SLCO2A1: variants seen among roughly 807,000 people sequenced by gnomAD.
The protein encoded by SLCO2A1 is matrin F/G 1.
SLCO2A1 carries 60 observed loss-of-function variants against 71.7 expected under a neutral mutation model. That is an observed-to-expected ratio of 0.84 (90% CI 0.68 to 1.04). The LOEUF is 1.04. Among genes scored for constraint, SLCO2A1 ranks in the 50% least tolerant of loss-of-function variants. The probability of loss-of-function intolerance (pLI) is 0.00; values close to 1 mark genes in which losing one functional copy is unlikely to be tolerated. For missense variants in SLCO2A1, 745 were observed against 813.4 expected, an observed-to-expected ratio of 0.92 and a Z score of 1.02; for synonymous variants, 308 against 326.7, an observed-to-expected ratio of 0.94 and a Z score of 0.62.
chr3:134,008,585 G>C (rs1021690105), intron 1 of SLCO2A1, among the ~76,000 whole-genome samples: 1 of 152,184 alleles, frequency 6.6e-6, no homozygotes, highest in African/African-American at 2.4e-5. Context: ...CAGACCCCTA[G>C]TTAGCACCTA....
chr3:133,973,442 T>C (rs1934375560), intron 3 of SLCO2A1, among the ~76,000 whole-genome samples: 1 of 152,226 alleles, frequency 6.6e-6, no homozygotes. Flanking sequence ...ATTCCTGGCA[T>C]GAAGCACAGG....
chr3:134,001,494 C>G (rs1935102822), intron 1 of SLCO2A1, among the ~76,000 whole-genome samples: 1 of 152,212 alleles, frequency 6.6e-6, no homozygotes, highest in East Asian at 1.9e-4. Flanking sequence ...GGGCTGGCTG[C>G]TCCTTCTGTG....
intron 1 of SLCO2A1, among the ~76,000 whole-genome samples, chr3:133,990,262 T>C (rs1192794342): frequency 6.6e-6 from 1 of 152,250 alleles, no homozygotes; most frequent in Non-Finnish European, 1.5e-5. Context: ...CATCCACTCA[T>C]AGTCTCCCTC....
At chr3:133,952,669 A>G (rs576095024) in intron 5 of SLCO2A1, among the ~76,000 whole-genome samples, 1 of 152,322 alleles carries the variant, frequency 6.6e-6, no homozygotes, top group East Asian at 1.9e-4. Flanking sequence ...GGGACTATAT[A>G]TTCTCATCCA....
chr3:134,026,115 T>C (rs527586772), intron 1 of SLCO2A1, among the ~76,000 whole-genome samples: 39 of 152,130 alleles, frequency 2.6e-4, no homozygotes, highest in African/African-American at 9.4e-4. Flanking sequence ...AATTTCTAGG[T>C]CCTAAAAGCC....
rs376107710 is a variant in SLCO2A1, at chr3:133,938,510, G to C, written c.1626-17C>G. The C allele has an allele frequency of 6.9e-5, 111 of 1,613,224 alleles. No homozygotes were observed. The African/African-American group carries it at 1.4e-3, about 21-fold the overall frequency. On this transcript the variant is annotated splice_polypyrimidine_tract_variant and intron_variant, in intron 11 of 13. Coordinates refer to ENST00000310926, the MANE Select transcript of SLCO2A1 (RefSeq NM_005630.3). ...TTCACCACACTGAAAAGACAGACAG[G>C]AAATCAGCAGTGGGAGGATTCAGGG...
intron 1 of SLCO2A1, among the ~76,000 whole-genome samples, chr3:133,980,673 C>T (rs962720483): frequency 6.6e-6 from 1 of 152,238 alleles, no homozygotes; most frequent in Non-Finnish European, 1.5e-5. Flanking sequence ...GGGGCTCCAC[C>T]TTCATTTCCA....
chr3:133,934,482 G>T lies in SLCO2A1; in HGVS notation c.*231C>A. 1 of 432,808 alleles carries T rather than the reference G, an allele frequency of 2.3e-6. No homozygotes were observed. Among genetic ancestry groups the T allele is most frequent in the Non-Finnish European group, 4.2e-6 (1 of 238,306 alleles). The allele number at this position is 432,808 out of a possible 1,614,324, so 26.8% of individuals were successfully genotyped here. ...TCTGGGGGCCTCTTCCAAGGGGCCA[G>T]GGAAGACTCAGCCCCCCAGTTCTGG... On this transcript the variant is annotated 3_prime_UTR_variant, in exon 14 of 14. Coordinates refer to ENST00000310926, the MANE Select transcript of SLCO2A1 (RefSeq NM_005630.3).
chr3:133,948,365 C>A (rs1474593285), intron 8 of SLCO2A1, among the ~76,000 whole-genome samples, 171 bp downstream of exon 8: 1 of 152,206 alleles, frequency 6.6e-6, no homozygotes, highest in Non-Finnish European at 1.5e-5. Context: ...CAAGAACTTT[C>A]TAGATTGCCA....
At chr3:133,945,055 T>C (rs757666728) in intron 10 of SLCO2A1, 40 bp downstream of exon 10, 3 of 1,581,600 alleles carry the variant, frequency 1.9e-6, no homozygotes, top group Admixed American at 1.8e-5. Flanking sequence ...TCCGAGATCC[T>C]GTGGGGCTCC....
chr3:133,953,539 G>T, intron 5 of SLCO2A1, 124 bp downstream of exon 5: 1 of 711,436 alleles, frequency 1.4e-6, no homozygotes, highest in South Asian at 1.7e-5. Context: ...ATGAGTGAGC[G>T]AGTGAGGAGG....
At chr3:133,990,816 A>G (rs1934823696) in intron 1 of SLCO2A1, among the ~76,000 whole-genome samples, 1 of 152,208 alleles carries the variant, frequency 6.6e-6, no homozygotes, top group African/African-American at 2.4e-5. Context: ...GTCATCAGAC[A>G]TGCAGGCATC....
intron 1 of SLCO2A1, among the ~76,000 whole-genome samples, chr3:133,984,188 A>C (rs1934656836): frequency 6.6e-6 from 1 of 152,164 alleles, no homozygotes; most frequent in African/African-American, 2.4e-5. Flanking sequence ...TGGGAGAGGA[A>C]ATTTGTCTCA....
chr3:134,019,030 T>C (rs1490797555), intron 1 of SLCO2A1, among the ~76,000 whole-genome samples: 1 of 152,198 alleles, frequency 6.6e-6, no homozygotes, highest in Non-Finnish European at 1.5e-5. Context: ...AAGCCACTGC[T>C]GCTCCCCTTG....
At chr3:133,948,440 C>A (rs761624747) in intron 8 of SLCO2A1, 96 bp downstream of exon 8, 49 of 1,295,464 alleles carry the variant, frequency 3.8e-5, no homozygotes, top group Non-Finnish European at 4.9e-5. Context: ...TGCCTATGTC[C>A]GGTCTGGCCT....
Position 133,951,198 on chromosome 3 carries a change from G to A in SLCO2A1, c.861+10C>T. 1 of 1,613,968 alleles carries A rather than the reference G, an allele frequency of 6.2e-7. No homozygotes were observed. The highest frequency in any genetic ancestry group is 1.1e-5 in the South Asian group (1 of 91,064). ...CCATCAGGTAGAGTCATGGGCTCTT[G>A]GAACCTTACCTTTGCTCCTATGGGC... is the stretch of plus-strand genomic sequence containing the variant. On this transcript the variant is annotated intron_variant, in intron 6 of 13. Coordinates refer to ENST00000310926, the MANE Select transcript of SLCO2A1 (RefSeq NM_005630.3).
chr3:133,948,651 C>G lies in SLCO2A1; in HGVS notation c.990G>C (p.Leu330=). 6.2e-7 allele frequency: 1 copy of G among 1,614,160 alleles called. No homozygotes were observed. Among genetic ancestry groups the G allele is most frequent in the Non-Finnish European group, 8.5e-7 (1 of 1,180,014 alleles). ...LRLLMNSLFV[L]VVLAQCTFSS... is the part of the protein sequence containing the mutation. ...AGAAGGTGCACTGGGCCAGGACCACCAGGACGAAGAGTGAGTTCATCAGGA... is the reference window on the plus strand; with the variant it reads ...AGAAGGTGCACTGGGCCAGGACCACGAGGACGAAGAGTGAGTTCATCAGGA... The change falls in exon 8 of 14, where the codon CTG becomes CTC. Residue 330 remains leucine (L), a synonymous_variant. Coordinates refer to ENST00000310926, the MANE Select transcript of SLCO2A1 (RefSeq NM_005630.3).
intron 3 of SLCO2A1, among the ~76,000 whole-genome samples, chr3:133,959,683 G>A (rs1037797356): frequency 6.6e-6 from 1 of 152,076 alleles, no homozygotes; most frequent in Non-Finnish European, 1.5e-5. Flanking sequence ...AAAATTAGCT[G>A]GGCATGGTGG....
intron 1 of SLCO2A1, among the ~76,000 whole-genome samples, chr3:134,019,087 G>T (rs577411571): frequency 6.6e-6 from 1 of 152,262 alleles, no homozygotes; most frequent in African/African-American, 2.4e-5. Flanking sequence ...GAAACCACTG[G>T]CCACTGGGAA....
Sources: allele counts gnomAD v4.1 joint callset (sites outside exome capture counted in the v4.1 genomes callset), GRCh38; gene constraint gnomAD v4.1.1; transcripts MANE v1.5; gene names NCBI Gene and HGNC (gene_info 2026-07-23, HGNC 2026-07-21).